XPR1: variants seen among roughly 807,000 people sequenced by gnomAD.
XPR1 encodes xenotropic and polytropic retrovirus receptor 1, also known as solute carrier family 53 member 1.
Under a neutral mutation model 87.5 loss-of-function variants are expected in XPR1, and 28 were observed. The observed-to-expected ratio is 0.32, with a 90% CI of 0.24 to 0.44. The LOEUF (loss-of-function observed/expected upper bound fraction) is 0.44, where lower values mean the gene tolerates loss of function less well. XPR1 is among the 20% of genes least tolerant of loss of function. The pLI, the probability that XPR1 is intolerant of heterozygous loss-of-function variation, is 1.00. For synonymous variants in XPR1, 300 were observed against 306.1 expected (o/e 0.98, Z 0.21); for missense variants, 559 against 862.3 (o/e 0.65, Z 4.41).
At chr1:180,756,205 C>G (rs1428410367) in intron 2 of XPR1, among the ~76,000 whole-genome samples, 1 of 152,132 alleles carries the variant, frequency 6.6e-6, no homozygotes, top group African/African-American at 2.4e-5. Flanking sequence ...TGAATTGAGG[C>G]GCATTTTACA....
rs532892684 is a variant in XPR1, at chr1:180,742,916, G to T, written c.122-44837G>T. On this transcript the variant is annotated intron_variant, in intron 2 of 14. Coordinates refer to ENST00000367590, the MANE Select transcript of XPR1 (RefSeq NM_004736.4). ...TATCCTTGGTAATTTTGTTTACTTT[G>T]ATGCTTACTTTGATATTAATAGTTT... Among the ~76,000 whole-genome samples the T allele has an allele frequency of 2.0e-5, 3 of 151,958 alleles. No homozygotes were observed. In the East Asian group the frequency reaches 5.8e-4, roughly 29 times the overall value.
At chr1:180,866,172 A>T (rs1389720732) in intron 12 of XPR1, among the ~76,000 whole-genome samples, 1 of 152,138 alleles carries the variant, frequency 6.6e-6, no homozygotes, top group African/African-American at 2.4e-5. Flanking sequence ...TGTTCATGCC[A>T]CTGTACTCCA....
At chr1:180,830,161 A>G (rs1350929111) in intron 9 of XPR1, among the ~76,000 whole-genome samples, 1 of 152,170 alleles carries the variant, frequency 6.6e-6, no homozygotes, top group African/African-American at 2.4e-5. Context: ...TTCTTAAAAT[A>G]TTACAGAAAC....
At chr1:180,876,500 G>C (rs1407037963) in intron 13 of XPR1, among the ~76,000 whole-genome samples, 1 of 152,120 alleles carries the variant, frequency 6.6e-6, no homozygotes, top group Non-Finnish European at 1.5e-5. Context: ...GCCGGGAGTA[G>C]TGGCGCATGC....
intron 1 of XPR1, among the ~76,000 whole-genome samples, chr1:180,661,796 A>G (rs1655789320): frequency 6.6e-6 from 1 of 152,002 alleles, no homozygotes; most frequent in Admixed American, 6.6e-5. Context: ...AATCGCTTGA[A>G]CCCAGGAGGT....
In XPR1 at chr1:180,756,527, G is replaced by C. The variant is rs145098519; in HGVS notation, c.122-31226G>C. On this transcript the variant is annotated intron_variant, in intron 2 of 14. Coordinates refer to ENST00000367590, the MANE Select transcript of XPR1 (RefSeq NM_004736.4). ...TTATAAGAGTTCCTTATAAATACAA[G>C]TCCTTCGTCAGTTGTATTGGCAAAT... 5.3e-4 allele frequency among the ~76,000 whole-genome samples: 80 copies of C among 152,250 alleles called. 1 individual carries two copies. Among genetic ancestry groups the C allele is most frequent in the African/African-American group, 1.8e-3 (76 of 41,550 alleles).
rs541693394 is a variant in XPR1 at position 180,802,096 on chromosome 1, G to A, written c.224-1292G>A. On this transcript the variant is annotated intron_variant, in intron 3 of 14. Transcript: ENST00000367590. Reference sequence around the variant, plus strand: ...CAAGCATGAGCCATTGCACCCAGCCGGTCCCTTGGCATTTCTATGCCTCAT... The same window carrying A: ...CAAGCATGAGCCATTGCACCCAGCCAGTCCCTTGGCATTTCTATGCCTCAT... Among the ~76,000 whole-genome samples the A allele has an allele frequency of 7.3e-5, 11 of 150,746 alleles. No homozygotes were observed. The South Asian group carries it at 2.1e-3, about 29-fold the overall frequency.
At chr1:180,672,206 T>A (rs778687762) in intron 1 of XPR1, among the ~76,000 whole-genome samples, 1 of 152,216 alleles carries the variant, frequency 6.6e-6, no homozygotes, top group Admixed American at 6.5e-5. Context: ...ATATTTAATA[T>A]ACATTTAGTT....
intron 2 of XPR1, among the ~76,000 whole-genome samples, chr1:180,755,155 A>C (rs951260064): frequency 6.6e-6 from 1 of 152,158 alleles, no homozygotes; most frequent in Non-Finnish European, 1.5e-5. Context: ...TAGATGTAGC[A>C]TGTGTCGATG....
At chr1:180,635,593 T>G (rs994084967) in intron 1 of XPR1, among the ~76,000 whole-genome samples, 1 of 152,150 alleles carries the variant, frequency 6.6e-6, no homozygotes, top group African/African-American at 2.4e-5. Context: ...GTTTCTAAAT[T>G]ACAGGATTTT....
chr1:180,689,737 G>A (rs935689620), intron 2 of XPR1, among the ~76,000 whole-genome samples: 1 of 152,154 alleles, frequency 6.6e-6, no homozygotes, highest in African/African-American at 2.4e-5. Flanking sequence ...TTGATTCATT[G>A]ATTGCGACAA....
At chr1:180,716,401 G>A (rs1434087672) in intron 2 of XPR1, among the ~76,000 whole-genome samples, 2 of 151,996 alleles carry the variant, frequency 1.3e-5, no homozygotes, top group Admixed American at 6.6e-5. Flanking sequence ...AATATTTACC[G>A]TCTAATTTTC....
rs557298798 is a variant in XPR1 at position 180,636,229 on chromosome 1, A to G, written c.69+3959A>G. Among the ~76,000 whole-genome samples, 3 of 152,276 alleles carry G rather than the reference A, an allele frequency of 2.0e-5. No individual in the cohort carries two copies. The South Asian group carries it at 6.2e-4, about 32-fold the overall frequency. ...TCAGTTTCCCAAAGGTATTATGTTG[A>G]TTAGGTAGGTTTAACTTGAGTTGCT... On this transcript the variant is annotated intron_variant, in intron 1 of 14. Coordinates refer to ENST00000367590, the MANE Select transcript of XPR1 (RefSeq NM_004736.4).
At chr1:180,708,786 TG>T (rs1657642332) in intron 2 of XPR1, among the ~76,000 whole-genome samples, 1 of 152,114 alleles carries the variant, frequency 6.6e-6, no homozygotes, top group Non-Finnish European at 1.5e-5. Flanking sequence ...AGTTAAATAT[TG>T]TTTTTTAACA....
Position 180,787,863 on chromosome 1 carries a change from T to C in XPR1, c.223+9T>C. On this transcript the variant is annotated intron_variant, in intron 3 of 14. Transcript: ENST00000367590. ...CAACACATTTTATTCAGGTGAGTAA[T>C]TAAGAGACTTTTTTTTTTGCTGCCG... is the stretch of plus-strand genomic sequence containing the variant. 6.3e-7 allele frequency: 1 copy of C among 1,588,502 alleles called. No individual in the cohort carries two copies. Among genetic ancestry groups the C allele is most frequent in the Non-Finnish European group, 8.6e-7 (1 of 1,165,374 alleles).
intron 2 of XPR1, among the ~76,000 whole-genome samples, chr1:180,697,213 G>T (rs1387819420): frequency 2.0e-5 from 3 of 152,028 alleles, no homozygotes; most frequent in Non-Finnish European, 4.4e-5. Context: ...TTGGTAGGTT[G>T]TTCAGGAACT....
rs556162450 is a variant in XPR1 at position 180,679,371 on chromosome 1, T to A, written c.70-2989T>A. 1.6e-4 allele frequency among the ~76,000 whole-genome samples: 25 copies of A among 152,318 alleles called. 1 individual carries two copies. Among genetic ancestry groups the A allele is most frequent in the African/African-American group, 5.5e-4 (23 of 41,564 alleles). On this transcript the variant is annotated intron_variant, in intron 1 of 14. Transcript: ENST00000367590. ...ACAGCTGGAGGGTGAGGATTGATACTGTTATCTAACGGGTCTCTAGATGCC... is the reference window on the plus strand; with the variant it reads ...ACAGCTGGAGGGTGAGGATTGATACAGTTATCTAACGGGTCTCTAGATGCC...
At chr1:180,783,953 C>T (rs1649038713) in intron 2 of XPR1, among the ~76,000 whole-genome samples, 1 of 151,734 alleles carries the variant, frequency 6.6e-6, no homozygotes, top group Non-Finnish European at 1.5e-5. Context: ...TACTTGGGAA[C>T]CTGAGACGGG....
chr1:180,715,661 T>G (rs1340748993), intron 2 of XPR1, among the ~76,000 whole-genome samples: 3 of 149,328 alleles, frequency 2.0e-5, no homozygotes, highest in African/African-American at 7.4e-5. Context: ...AGAGAAGTTG[T>G]TTTTTTTTTC....
Sources: allele counts gnomAD v4.1 joint callset (sites outside exome capture counted in the v4.1 genomes callset), GRCh38; gene constraint gnomAD v4.1.1; transcripts MANE v1.5; gene names NCBI Gene and HGNC (gene_info 2026-07-23, HGNC 2026-07-21).